The following DNASE1 variants were observed in gnomAD, a reference collection of about 807,000 sequenced individuals.
DNASE1 encodes the protein deoxyribonuclease-1.
Under a neutral mutation model 33.9 loss-of-function variants are expected in DNASE1, and 40 were observed. That is an observed-to-expected ratio of 1.18 (90% CI 0.92 to 1.54). The LOEUF (loss-of-function observed/expected upper bound fraction) is 1.54. Among genes scored for constraint, DNASE1 ranks in the 40% most tolerant of loss-of-function variants. The pLI, the probability that DNASE1 is intolerant of heterozygous loss-of-function variation, is 0.00. For synonymous variants in DNASE1, 216 were observed against 160.0 expected (o/e 1.35, Z -2.64); for missense variants, 518 against 372.6 (o/e 1.39, Z -3.21).
chr16:3,626,968 C>G (rs2041532515), intron 1 of DNASE1, among the ~76,000 whole-genome samples: 4 of 152,042 alleles, frequency 2.6e-5, no homozygotes, highest in Admixed American at 2.6e-4. Flanking sequence ...AACTCCTGAG[C>G]TCCAGTGATT....
At chr16:3,664,311 G>A in exon 10 of DNASE1, 9 of 1,611,148 alleles carry the variant, frequency 5.6e-6, no homozygotes, top group South Asian at 3.3e-5. Context: ...ATAGTAGGGT[G>A]AGTGCTCTGC....
chr16:3,650,401 C>A (rs2042297135), upstream of DNASE1, among the ~76,000 whole-genome samples: 1 of 152,012 alleles, frequency 6.6e-6, no homozygotes, highest in South Asian at 2.1e-4. Flanking sequence ...GGAAAAAAAG[C>A]TGAGACATTG....
At chr16:3,650,156 T>G (rs1238836930), upstream of DNASE1, among the ~76,000 whole-genome samples, 1 of 152,212 alleles carries the variant, frequency 6.6e-6, no homozygotes, top group Non-Finnish European at 1.5e-5. Context: ...TAGAAAACAT[T>G]TGTTATTATG....
chr16:3,657,604 G>A (rs2042766164), intron 7 of DNASE1, 116 bp from the exon 8 acceptor site: 5 of 1,427,568 alleles, frequency 3.5e-6, no homozygotes, highest in Admixed American at 1.9e-5. Flanking sequence ...GTGCAGTTTT[G>A]GGCACCCACA....
At chr16:3,661,804 A>G, downstream of DNASE1, 1 of 671,532 alleles carries the variant, frequency 1.5e-6, no homozygotes, top group Non-Finnish European at 2.2e-6. Context: ...GGGGATGGTA[A>G]GGGGCTGGCC....
chr16:3,646,169 G>T (rs2042167119), intron 1 of DNASE1, among the ~76,000 whole-genome samples: 1 of 152,156 alleles, frequency 6.6e-6, no homozygotes, highest in African/African-American at 2.4e-5. Flanking sequence ...GTGCCACCTG[G>T]ATGCCCTGCA....
chr16:3,641,321 G>A (rs2042016502), upstream of DNASE1: 3 of 174,988 alleles, frequency 1.7e-5, no homozygotes, highest in Admixed American at 1.3e-4. Context: ...GCTGAGGCTT[G>A]TAGACGCCTT....
chr16:3,651,499 A>G (rs1484760764), upstream of DNASE1: 1 of 152,238 alleles, frequency 6.6e-6, no homozygotes. Context: ...GCCTATCTCC[A>G]GAGTGGGGCC....
intron 1 of DNASE1, among the ~76,000 whole-genome samples, chr16:3,625,088 CCTGAGG>C: frequency 6.6e-6 from 1 of 152,100 alleles, no homozygotes; most frequent in Non-Finnish European, 1.5e-5. Flanking sequence ...GGGCGGATCA[CCTGAGG>C]TTGGGAGTTC....
intron 1 of DNASE1, among the ~76,000 whole-genome samples, chr16:3,612,946 A>G (rs2040958193): frequency 6.6e-6 from 1 of 151,990 alleles, no homozygotes; most frequent in African/African-American, 2.4e-5. Flanking sequence ...AACACAGGAG[A>G]GGTGTAAAGG....
chr16:3,633,512 G>A (rs1329263308), intron 1 of DNASE1, among the ~76,000 whole-genome samples: 2 of 151,942 alleles, frequency 1.3e-5, no homozygotes, highest in African/African-American at 2.4e-5. Context: ...GGAGGCTGAG[G>A]CAGGAGAATG....
chr16:3,654,498 C>T (rs1315191037), upstream of DNASE1: 5 of 398,620 alleles, frequency 1.3e-5, no homozygotes, highest in Non-Finnish European at 1.8e-5. Context: ...GCCTCTTTGT[C>T]CAAAGTGACC....
chr16:3,656,595 C>T (rs1037392505), intron 4 of DNASE1, 43 bp from the exon 5 acceptor site: 10 of 1,548,440 alleles, frequency 6.5e-6, no homozygotes, highest in Admixed American at 1.8e-5. Flanking sequence ...AGTGGGGCAG[C>T]TTCCAGCCTG....
downstream of DNASE1, chr16:3,659,008 TATAGATA>T (rs2042903117): frequency 1.3e-6 from 1 of 770,554 alleles, no homozygotes; most frequent in Non-Finnish European, 2.1e-6. Flanking sequence ...AATGATCATT[TATAGATA>T]ATATCATTAT....
intron 1 of DNASE1, among the ~76,000 whole-genome samples, chr16:3,626,372 A>T (rs2041511190): frequency 6.6e-6 from 1 of 152,192 alleles, no homozygotes; most frequent in Admixed American, 6.5e-5. Context: ...CTAGTGTGGT[A>T]AGGACTTCCT....
At chr16:3,638,156 A>G (rs1242878430), upstream of DNASE1, among the ~76,000 whole-genome samples, 1 of 151,046 alleles carries the variant, frequency 6.6e-6, no homozygotes, top group East Asian at 1.9e-4. Context: ...CCAGTACTTT[A>G]AAGATGTTAC....
Position 3,637,711 on chromosome 16 carries a change from C to T in DNASE1, c.-1358-3004C>T, listed in dbSNP as rs747716476. ...CCACATGGCTGCTTTCCCCCTCCCCCGCCAGAAGTATGAGAGGATCTTTCT... is the reference window on the plus strand; with the variant it reads ...CCACATGGCTGCTTTCCCCCTCCCCTGCCAGAAGTATGAGAGGATCTTTCT... On this transcript the variant is annotated intron_variant and NMD_transcript_variant, in intron 1 of 11. Transcript: ENST00000570769. Among the ~76,000 whole-genome samples, 11 of 152,276 alleles carry T rather than the reference C, an allele frequency of 7.2e-5. 1 individual carries two copies. Among genetic ancestry groups the T allele is most frequent in the Admixed American group, 3.9e-4 (6 of 15,290 alleles).
intron 6 of DNASE1, 29 bp from the exon 7 acceptor site, chr16:3,657,158 C>G: frequency 6.2e-7 from 1 of 1,614,130 alleles, no homozygotes; most frequent in African/African-American, 1.3e-5. Flanking sequence ...TCCGCATGTC[C>G]CAGGGCCACA....
At chr16:3,630,125 G>A (rs1363762326) in intron 1 of DNASE1, among the ~76,000 whole-genome samples, 1 of 151,150 alleles carries the variant, frequency 6.6e-6, no homozygotes, top group African/African-American at 2.4e-5. Context: ...GCCCTTGTTT[G>A]TTTTTTGTTG....
Sources: allele counts gnomAD v4.1 joint callset (sites outside exome capture counted in the v4.1 genomes callset), GRCh38; gene constraint gnomAD v4.1.1; transcripts MANE v1.5; gene names NCBI Gene and HGNC (gene_info 2026-07-23, HGNC 2026-07-21).